TSPAN5: variants seen among roughly 807,000 people sequenced by gnomAD.
The protein encoded by TSPAN5 is tetraspanin-5.
TSPAN5 carries 10 observed loss-of-function variants against 37.1 expected under a neutral mutation model. The observed-to-expected ratio is 0.27, with a 90% CI of 0.17 to 0.46. TSPAN5 has a LOEUF of 0.46. TSPAN5 is among the 20% of genes least tolerant of loss of function. The pLI is 1.00. For synonymous variants in TSPAN5, 110 were observed against 118.9 expected (o/e 0.93, Z 0.48); for missense variants, 195 against 326.6 (o/e 0.60, Z 3.11).
intron 1 of TSPAN5, among the ~76,000 whole-genome samples, chr4:98,553,927 C>T (rs780722370): frequency 6.6e-6 from 1 of 151,926 alleles, no homozygotes; most frequent in Non-Finnish European, 1.5e-5. Flanking sequence ...ATTAGCTGGG[C>T]GTGATGGCAG....
intron 1 of TSPAN5, among the ~76,000 whole-genome samples, chr4:98,513,048 G>T (rs1753644813): frequency 6.6e-6 from 1 of 152,204 alleles, no homozygotes; most frequent in Admixed American, 6.5e-5. Flanking sequence ...TAGTCCAAAG[G>T]ATGAGAAGGA....
At chr4:98,648,671 T>TC (rs1757119266) in intron 1 of TSPAN5, among the ~76,000 whole-genome samples, 2 of 152,336 alleles carry the variant, frequency 1.3e-5, no homozygotes, top group South Asian at 4.1e-4. Context: ...ACCTTTTTTT[T>TC]CTCGTAAGCA....
chr4:98,604,119 A>G (rs1256086633), intron 1 of TSPAN5, among the ~76,000 whole-genome samples: 2 of 152,088 alleles, frequency 1.3e-5, no homozygotes, highest in Admixed American at 1.3e-4. Context: ...TCAATCACGC[A>G]GCACTGCACT....
intron 1 of TSPAN5, among the ~76,000 whole-genome samples, chr4:98,581,350 T>C (rs973901294): frequency 6.6e-6 from 1 of 152,082 alleles, no homozygotes; most frequent in African/African-American, 2.4e-5. Context: ...CTTCTATTAA[T>C]AATATGTTTT....
chr4:98,605,117 A>C (rs1461694650), intron 1 of TSPAN5, among the ~76,000 whole-genome samples: 4 of 152,244 alleles, frequency 2.6e-5, no homozygotes, highest in African/African-American at 9.6e-5. Context: ...GTTATTGCTT[A>C]TGTGTTATCT....
chr4:98,640,729 G>A (rs1360128793), intron 1 of TSPAN5, among the ~76,000 whole-genome samples: 1 of 152,206 alleles, frequency 6.6e-6, no homozygotes, highest in African/African-American at 2.4e-5. Flanking sequence ...TTAGTGACAA[G>A]TTCTATTATA....
At chr4:98,655,447 G>T (rs1213209610) in intron 1 of TSPAN5, among the ~76,000 whole-genome samples, 2 of 152,230 alleles carry the variant, frequency 1.3e-5, no homozygotes, top group Non-Finnish European at 2.9e-5. Flanking sequence ...GGCCCAGGCA[G>T]TTAACTGATG....
intron 2 of TSPAN5, among the ~76,000 whole-genome samples, chr4:98,501,821 A>C (rs2110280600): frequency 6.6e-6 from 1 of 152,316 alleles, no homozygotes; most frequent in Admixed American, 6.5e-5. Flanking sequence ...GAAGCAGAGA[A>C]GTAAAAGGAT....
At chr4:98,561,598 C>T (rs765340069) in intron 1 of TSPAN5, among the ~76,000 whole-genome samples, 1 of 152,104 alleles carries the variant, frequency 6.6e-6, no homozygotes, top group Non-Finnish European at 1.5e-5. Context: ...CTTATAAGGG[C>T]CTGGTAGGAT....
chr4:98,632,658 A>G (rs1164541558), intron 1 of TSPAN5, among the ~76,000 whole-genome samples: 1 of 152,214 alleles, frequency 6.6e-6, no homozygotes, highest in African/African-American at 2.4e-5. Context: ...TGCCTAGCGC[A>G]AGATACAGAC....
intron 1 of TSPAN5, among the ~76,000 whole-genome samples, chr4:98,583,533 C>T (rs1306084456): frequency 6.6e-6 from 1 of 152,150 alleles, no homozygotes; most frequent in Non-Finnish European, 1.5e-5. Context: ...AACAGAAATT[C>T]CATTTTGATG....
intron 1 of TSPAN5, among the ~76,000 whole-genome samples, chr4:98,613,860 A>AT (rs1212447634): frequency 6.6e-6 from 1 of 151,982 alleles, no homozygotes; most frequent in Non-Finnish European, 1.5e-5. Flanking sequence ...CATTTCAAAG[A>AT]TTCCCCCCCC....
At chr4:98,490,219 A>C (rs2110268261) in intron 2 of TSPAN5, among the ~76,000 whole-genome samples, 1 of 152,296 alleles carries the variant, frequency 6.6e-6, no homozygotes, top group South Asian at 2.1e-4. Context: ...GTGGGTAACA[A>C]AGACGATGAT....
In TSPAN5 at chr4:98,658,261, C is replaced by T. The variant is rs747109780; in HGVS notation, c.-35G>A. 6.3e-7 allele frequency: 1 copy of T among 1,582,736 alleles called. No individual in the cohort carries two copies. The highest frequency in any genetic ancestry group is 8.7e-7 in the Non-Finnish European group (1 of 1,151,500). ...TCATGAAGACACTTGCCCCGGCAGCCCGAGTTTGGAGCTCCGAAGCACCGT... is the reference window on the plus strand; with the variant it reads ...TCATGAAGACACTTGCCCCGGCAGCTCGAGTTTGGAGCTCCGAAGCACCGT... On this transcript the variant is annotated 5_prime_UTR_variant, in exon 1 of 8. Coordinates refer to ENST00000305798, the MANE Select transcript of TSPAN5 (RefSeq NM_005723.4).
chr4:98,553,192 AC>A (rs1385137769), intron 1 of TSPAN5, among the ~76,000 whole-genome samples: 3 of 152,224 alleles, frequency 2.0e-5, no homozygotes, highest in African/African-American at 7.2e-5. Flanking sequence ...GTATAAAGTT[AC>A]CTAATTTGCT....
intron 2 of TSPAN5, among the ~76,000 whole-genome samples, chr4:98,506,445 A>C (rs746108841): frequency 5.3e-5 from 8 of 152,360 alleles, no homozygotes; most frequent in Non-Finnish European, 1.2e-4. Flanking sequence ...TTTCCATAAA[A>C]CATTTTACAT....
chr4:98,626,641 C>T (rs1756608066), intron 1 of TSPAN5, among the ~76,000 whole-genome samples: 1 of 152,040 alleles, frequency 6.6e-6, no homozygotes, highest in African/African-American at 2.4e-5. Flanking sequence ...CTGCCGGGAC[C>T]GCTTTCCTGC....
intron 1 of TSPAN5, among the ~76,000 whole-genome samples, chr4:98,634,150 T>G (rs1229157411): frequency 6.6e-6 from 1 of 152,186 alleles, no homozygotes; most frequent in Non-Finnish European, 1.5e-5. Context: ...CTTCTATGTT[T>G]ATATCATACT....
In TSPAN5 at chr4:98,507,699, T is replaced by G. The variant is rs759046183; in HGVS notation, c.111A>C (p.Gly37=). 1 of 1,611,594 alleles carries G rather than the reference T, an allele frequency of 6.2e-7. No individual in the cohort carries two copies. The highest frequency in any genetic ancestry group is 8.5e-7 in the Non-Finnish European group (1 of 1,179,184). Residue 37 remains glycine (G), a synonymous_variant, in exon 2 of 8, where the codon GGA becomes GGC. Coordinates refer to ENST00000305798, the MANE Select transcript of TSPAN5 (RefSeq NM_005723.4). The part of the protein sequence containing the change: ...WFLGITFLGI[G]LWAWNEKGVL... ...TTACTTTTTCATTCCATGCCCACAG[T>G]CCAATTCCAAGAAATGTTATTCCCA...
Sources: allele counts gnomAD v4.1 joint callset (sites outside exome capture counted in the v4.1 genomes callset), GRCh38; gene constraint gnomAD v4.1.1; transcripts MANE v1.5; gene names NCBI Gene and HGNC (gene_info 2026-07-23, HGNC 2026-07-21).